TUSC3: variants seen among roughly 807,000 people sequenced by gnomAD.
TUSC3 encodes the protein dolichyl-diphosphooligosaccharide--protein glycosyltransferase subunit TUSC3.
In TUSC3, 45 loss-of-function variants were observed where a neutral mutation model predicts 44.8. The ratio of observed to expected loss-of-function variants is 1.00; its 90% confidence interval spans 0.79 to 1.29. The LOEUF (loss-of-function observed/expected upper bound fraction) is 1.29. Among genes scored for constraint, TUSC3 ranks in the 50% most tolerant of loss-of-function variants. TUSC3 has a pLI of 0.00. For missense variants in TUSC3, 519 were observed against 437.9 expected (o/e 1.19, Z -1.65); for synonymous variants, 212 against 152.9 (o/e 1.39, Z -2.85).
At chr8:15,606,649 CTG>C (rs1260678422) in intron 1 of TUSC3, among the ~76,000 whole-genome samples, 2 of 152,058 alleles carry the variant, frequency 1.3e-5, no homozygotes, top group Non-Finnish European at 2.9e-5. Context: ...AGATTCCTCT[CTG>C]TAGGCATAAA....
chr8:15,704,946 TA>T (rs5889597), intron 6 of TUSC3, among the ~76,000 whole-genome samples: 51 of 149,942 alleles, frequency 3.4e-4, no homozygotes, highest in Middle Eastern at 3.5e-3. Context: ...CTGTATTCTT[TA>T]AAAAAAAAAA....
intron 6 of TUSC3, among the ~76,000 whole-genome samples, chr8:15,728,018 TA>T: frequency 6.6e-6 from 1 of 152,294 alleles, no homozygotes; most frequent in Non-Finnish European, 1.5e-5. Flanking sequence ...CTACAAGTGT[TA>T]TAGATCAGTT....
chr8:15,637,537 T>A (rs1198548761), intron 2 of TUSC3, among the ~76,000 whole-genome samples: 2 of 152,210 alleles, frequency 1.3e-5, no homozygotes, highest in African/African-American at 4.8e-5. Flanking sequence ...GTTTCAGTTT[T>A]CTCTTCATGA....
chr8:15,573,212 A>ATATATATATATATG (rs1802955949), intron 1 of TUSC3, among the ~76,000 whole-genome samples: 2 of 131,288 alleles, frequency 1.5e-5, no homozygotes, highest in African/African-American at 6.1e-5. Flanking sequence ...CTATATATAT[A>ATATATATATATATG]TATATATATA....
At chr8:15,729,023 C>G (rs538535792) in intron 6 of TUSC3, among the ~76,000 whole-genome samples, 1 of 152,126 alleles carries the variant, frequency 6.6e-6, no homozygotes, top group South Asian at 2.1e-4. Context: ...ATGACCTTGA[C>G]AAAAGATTGA....
At chr8:15,508,762 G>A (rs1175086898) in intron 2 of TUSC3, among the ~76,000 whole-genome samples, 1 of 152,026 alleles carries the variant, frequency 6.6e-6, no homozygotes, top group African/African-American at 2.4e-5. Flanking sequence ...CACCTGTCCT[G>A]AAGCTTCCTT....
At chr8:15,724,844 G>GT (rs1810440647) in intron 6 of TUSC3, among the ~76,000 whole-genome samples, 19 of 152,276 alleles carry the variant, frequency 1.2e-4, no homozygotes, top group Admixed American at 1.1e-3. Context: ...GACAAAATTG[G>GT]ACTGAAAGAA....
rs146975537 is a variant in TUSC3, at chr8:15,747,316, A to C, written c.938-1059A>C. ...TTTCTCTATTTTACAAATAACTTCA[A>C]ATATTTTTCAAATTGTTTAGAATTC... is the stretch of plus-strand genomic sequence containing the variant. On this transcript the variant is annotated intron_variant, in intron 8 of 10. Coordinates refer to ENST00000503731, the MANE Select transcript of TUSC3 (RefSeq NM_006765.4). Among the ~76,000 whole-genome samples the C allele has an allele frequency of 4.2e-3, 643 of 152,092 alleles. 1 individual carries two copies. Among genetic ancestry groups the C allele is most frequent in the Non-Finnish European group, 7.3e-3 (499 of 67,896 alleles).
At chr8:15,770,657 G>C (rs1812425809), downstream of TUSC3, among the ~76,000 whole-genome samples, 1 of 152,118 alleles carries the variant, frequency 6.6e-6, no homozygotes, top group African/African-American at 2.4e-5. Flanking sequence ...AATTGGAAAA[G>C]TCATTAGGCT....
intron 2 of TUSC3, among the ~76,000 whole-genome samples, chr8:15,485,190 A>G (rs547247700): frequency 6.6e-6 from 1 of 152,262 alleles, no homozygotes; most frequent in East Asian, 1.9e-4. Context: ...ATCTATAAGG[A>G]CACCCTCACC....
the TUSC3 span, among the ~76,000 whole-genome samples, chr8:15,819,744 C>A: frequency 6.4e-4 from 98 of 152,122 alleles, no homozygotes; most frequent in Non-Finnish European, 1.3e-3. Flanking sequence ...AAAGATGATG[C>A]AAAATGGTTA....
intron 2 of TUSC3, among the ~76,000 whole-genome samples, chr8:15,648,772 ACAAAGCAT>A (rs1403936249): frequency 6.3e-5 from 9 of 141,834 alleles, no homozygotes; most frequent in African/African-American, 2.4e-4. Flanking sequence ...CTCCTGTTGA[ACAAAGCAT>A]CATCTTGTTA....
intron 1 of TUSC3, among the ~76,000 whole-genome samples, chr8:15,621,791 C>A (rs979793436): frequency 6.7e-6 from 1 of 148,578 alleles, no homozygotes; most frequent in Non-Finnish European, 1.5e-5. Flanking sequence ...AAAAAAAAAA[C>A]ACAGCCGAGT....
intron 1 of TUSC3, among the ~76,000 whole-genome samples, chr8:15,439,979 G>A (rs572255226): frequency 6.6e-6 from 1 of 152,268 alleles, no homozygotes; most frequent in African/African-American, 2.4e-5. Flanking sequence ...TATAGTGAGT[G>A]TCCACTCTAT....
chr8:15,783,146 C>G, the TUSC3 span, among the ~76,000 whole-genome samples: 1 of 151,902 alleles, frequency 6.6e-6, no homozygotes, highest in East Asian at 1.9e-4. Context: ...TAAATTTAAC[C>G]AATGTGGTGA....
intron 1 of TUSC3, among the ~76,000 whole-genome samples, chr8:15,586,980 G>A (rs1230389133): frequency 1.3e-5 from 2 of 152,166 alleles, no homozygotes; most frequent in Non-Finnish European, 2.9e-5. Flanking sequence ...TTTGAGAACT[G>A]CTGGTTGGGG....
intron 1 of TUSC3, among the ~76,000 whole-genome samples, chr8:15,444,281 C>G (rs549465037): frequency 3.3e-5 from 5 of 152,298 alleles, no homozygotes; most frequent in South Asian, 2.1e-4. Context: ...TTGAAGCAGA[C>G]TCTATTCAAG....
intron 1 of TUSC3, among the ~76,000 whole-genome samples, chr8:15,458,893 T>C (rs1344682893): frequency 1.3e-5 from 2 of 152,180 alleles, no homozygotes; most frequent in African/African-American, 4.8e-5. Context: ...ATATGTAAGC[T>C]CCTCTACTTT....
At chr8:15,694,076 C>T (rs1299418872) in intron 6 of TUSC3, among the ~76,000 whole-genome samples, 1 of 152,064 alleles carries the variant, frequency 6.6e-6, no homozygotes, top group Non-Finnish European at 1.5e-5. Context: ...TGGGTTTCAA[C>T]TTTCTCTTGA....
Sources: gnomAD v4.1 joint callset for allele counts (sites outside exome capture counted in the v4.1 genomes callset) on GRCh38, gnomAD v4.1.1 for gene constraint, MANE v1.5 for transcripts, NCBI Gene and HGNC (gene_info 2026-07-23, HGNC 2026-07-21) for gene names.